The following KDM4C variants were observed in gnomAD, a reference collection of about 807,000 sequenced individuals.
The protein encoded by KDM4C is lysine demethylase 4C.
KDM4C carries 81 observed loss-of-function variants against 129.3 expected under a neutral mutation model. The observed-to-expected ratio is 0.63, with a 90% CI of 0.52 to 0.75. The LOEUF (loss-of-function observed/expected upper bound fraction) is 0.75. Among genes scored for constraint, KDM4C ranks in the 30% least tolerant of loss-of-function variants. The pLI is 0.00. For missense variants in KDM4C, 1,457 were observed against 1,304.0 expected (o/e 1.12, Z -1.81); for synonymous variants, 573 against 456.1 (o/e 1.26, Z -3.26).
At chr9:6,897,716 A>AC (rs1228805271) in intron 8 of KDM4C, among the ~76,000 whole-genome samples, 2 of 152,308 alleles carry the variant, frequency 1.3e-5, no homozygotes, top group African/African-American at 4.8e-5. Flanking sequence ...TTCAGAAAGA[A>AC]CAGAGGGGCT....
intron 17 of KDM4C, among the ~76,000 whole-genome samples, chr9:7,066,643 C>A (rs1256833844): frequency 6.6e-6 from 1 of 152,098 alleles, no homozygotes; most frequent in Middle Eastern, 3.2e-3. Context: ...TTAAATTATT[C>A]AGAGCTCAGA....
intron 1 of KDM4C, among the ~76,000 whole-genome samples, chr9:6,737,326 C>G (rs1400963494): frequency 1.3e-5 from 2 of 151,788 alleles, no homozygotes; most frequent in East Asian, 1.9e-4. Flanking sequence ...GGAACTTAAA[C>G]AAATTAACAA....
intron 15 of KDM4C, among the ~76,000 whole-genome samples, chr9:7,033,231 T>G (rs574463982): frequency 6.6e-6 from 1 of 152,134 alleles, no homozygotes; most frequent in South Asian, 2.1e-4. Context: ...TTGATCTTTA[T>G]ACAAAGTAAA....
At chr9:6,964,141 C>T (rs2131624343) in intron 8 of KDM4C, among the ~76,000 whole-genome samples, 1 of 152,220 alleles carries the variant, frequency 6.6e-6, no homozygotes, top group South Asian at 2.1e-4. Context: ...GCACAACGTG[C>T]AGGTTTGTTA....
At chr9:7,075,595 G>C (rs976443237) in intron 17 of KDM4C, among the ~76,000 whole-genome samples, 1 of 152,122 alleles carries the variant, frequency 6.6e-6, no homozygotes, top group Non-Finnish European at 1.5e-5. Context: ...GCTTTCCACA[G>C]TGAGTTGAAG....
At chr9:6,955,105 C>T (rs1317284425) in intron 8 of KDM4C, among the ~76,000 whole-genome samples, 1 of 152,114 alleles carries the variant, frequency 6.6e-6, no homozygotes, top group Non-Finnish European at 1.5e-5. Flanking sequence ...CATAAAAGGT[C>T]CATTGCTGGT....
chr9:7,100,413 T>C (rs148633831), intron 17 of KDM4C, among the ~76,000 whole-genome samples: 26 of 152,226 alleles, frequency 1.7e-4, no homozygotes, highest in African/African-American at 3.6e-4. Flanking sequence ...GATTTTGGCT[T>C]ACTGCAACCT....
chr9:6,757,680 C>T (rs533636615), upstream of KDM4C: 3 of 985,490 alleles, frequency 3.0e-6, no homozygotes, highest in East Asian at 2.3e-4. Context: ...ACGTGTGGCG[C>T]GTGGACTACA....
At chr9:6,757,881 G>T (rs1189496470), upstream of KDM4C, 17 of 985,442 alleles carry the variant, frequency 1.7e-5, no homozygotes, top group Non-Finnish European at 1.8e-5. Flanking sequence ...GCAAGAGCGT[G>T]CCGGGCACCT....
chr9:7,068,772 C>CT (rs1386497012), intron 17 of KDM4C, among the ~76,000 whole-genome samples: 8 of 140,020 alleles, frequency 5.7e-5, no homozygotes. Context: ...TCTTGGCTCA[C>CT]TGCATCCTCC....
At chr9:6,897,175 A>G (rs1431320794) in intron 8 of KDM4C, among the ~76,000 whole-genome samples, 1 of 152,204 alleles carries the variant, frequency 6.6e-6, no homozygotes, top group Non-Finnish European at 1.5e-5. Flanking sequence ...CACAGTATCC[A>G]TCCAAACTGC....
At chr9:6,761,953 C>A (rs996038532) in intron 1 of KDM4C, among the ~76,000 whole-genome samples, 1 of 151,816 alleles carries the variant, frequency 6.6e-6, no homozygotes, top group South Asian at 2.1e-4. Context: ...ATTACAGGCA[C>A]GCCCAACTAA....
chr9:7,038,290 T>G (rs951758330), intron 15 of KDM4C, among the ~76,000 whole-genome samples: 4 of 152,100 alleles, frequency 2.6e-5, no homozygotes, highest in Admixed American at 2.6e-4. Context: ...TCCAACACTC[T>G]CAAAATCTCA....
intron 17 of KDM4C, among the ~76,000 whole-genome samples, chr9:7,088,852 A>G (rs897018656): frequency 6.6e-6 from 1 of 151,316 alleles, no homozygotes; most frequent in African/African-American, 2.5e-5. Context: ...AAAAAAGAAA[A>G]AGAAAAAAAA....
intron 17 of KDM4C, among the ~76,000 whole-genome samples, chr9:7,101,099 A>G (rs1837032361): frequency 1.3e-5 from 2 of 152,174 alleles, no homozygotes; most frequent in Non-Finnish European, 2.9e-5. Flanking sequence ...ATCTTGATCC[A>G]GTTCGTCTTT....
chr9:7,063,343 C>T (rs1415995946), intron 17 of KDM4C, among the ~76,000 whole-genome samples: 1 of 152,206 alleles, frequency 6.6e-6, no homozygotes, highest in East Asian at 1.9e-4. Flanking sequence ...ACCAGCTTGA[C>T]TGTGACTGTC....
chr9:6,967,420 C>G lies in KDM4C; in HGVS notation c.922-13505C>G, dbSNP rs1428335363. On this transcript the variant is annotated intron_variant, in intron 8 of 21. Coordinates refer to ENST00000381309, the MANE Select transcript of KDM4C (RefSeq NM_015061.6). ...GCCTGGGTGACAGAGCAAGCTTCCA[C>G]TAAAAAAAAAAAAAAAAAAAATTGT... 3.7e-5 allele frequency among the ~76,000 whole-genome samples: 3 copies of G among 81,540 alleles called. No individual in the cohort carries two copies. In the Admixed American group the frequency reaches 4.3e-4, roughly 12 times the overall value. The allele number at this position is 81,540 out of a possible 152,430, so 53.5% of individuals were successfully genotyped here.
chr9:7,163,135 G>A (rs1284530667), intron 19 of KDM4C, among the ~76,000 whole-genome samples: 1 of 152,126 alleles, frequency 6.6e-6, no homozygotes, highest in East Asian at 1.9e-4. Context: ...GAGAGAAAGG[G>A]AAGGAGCTGA....
At chr9:6,866,127 C>G (rs932222845) in intron 5 of KDM4C, among the ~76,000 whole-genome samples, 1 of 151,980 alleles carries the variant, frequency 6.6e-6, no homozygotes, top group Non-Finnish European at 1.5e-5. Flanking sequence ...TCAGGTGATC[C>G]ACCTGCCTTG....
Sources: allele counts gnomAD v4.1 joint callset (sites outside exome capture counted in the v4.1 genomes callset), GRCh38; gene constraint gnomAD v4.1.1; transcripts MANE v1.5; gene names NCBI Gene and HGNC (gene_info 2026-07-23, HGNC 2026-07-21).